PDE3B: variants seen among roughly 807,000 people sequenced by gnomAD.
PDE3B encodes phosphodiesterase 3B.
A neutral mutation model predicts 116.8 loss-of-function variants in PDE3B; 66 were observed. The ratio of observed to expected loss-of-function variants is 0.56; its 90% confidence interval spans 0.46 to 0.69. The LOEUF (loss-of-function observed/expected upper bound fraction) is 0.69. PDE3B is among the 30% of genes least tolerant of loss of function. The probability of loss-of-function intolerance (pLI) is 0.00; values close to 1 mark genes in which losing one functional copy is unlikely to be tolerated. For missense variants in PDE3B, 1,384 were observed against 1,368.1 expected (o/e 1.01, Z -0.18); for synonymous variants, 595 against 533.6 (o/e 1.12, Z -1.59).
intron 4 of PDE3B, among the ~76,000 whole-genome samples, chr11:14,797,885 A>G (rs372066864): frequency 4.6e-5 from 7 of 152,296 alleles, no homozygotes; most frequent in African/African-American, 1.7e-4. Flanking sequence ...AACAGAGACA[A>G]TTTGACTTCC....
intron 11 of PDE3B, among the ~76,000 whole-genome samples, chr11:14,838,218 A>G (rs1466104135): frequency 6.6e-6 from 1 of 151,860 alleles, no homozygotes; most frequent in Non-Finnish European, 1.5e-5. Flanking sequence ...CGACCTCGTG[A>G]TTTGCCCGCC....
the PDE3B span, among the ~76,000 whole-genome samples, chr11:14,889,903 C>T: frequency 6.6e-6 from 1 of 152,182 alleles, no homozygotes; most frequent in East Asian, 1.9e-4. Context: ...CCGAGGCGGG[C>T]AGATCACGAG....
At chr11:14,885,829 A>G in the PDE3B span, 2 of 1,613,478 alleles carry the variant, frequency 1.2e-6, no homozygotes, top group Non-Finnish European at 1.7e-6. Context: ...GTCTGCAAAA[A>G]TTTCGCTTTG....
At chr11:14,777,723 A>C (rs1438353335) in intron 2 of PDE3B, among the ~76,000 whole-genome samples, 1 of 152,174 alleles carries the variant, frequency 6.6e-6, no homozygotes, top group Non-Finnish European at 1.5e-5. Flanking sequence ...AGCTCCCAGC[A>C]TGAGTGATGC....
chr11:14,858,151 A>G (rs1555006472), intron 12 of PDE3B, among the ~76,000 whole-genome samples: 1 of 152,228 alleles, frequency 6.6e-6, no homozygotes, highest in Non-Finnish European at 1.5e-5. Context: ...AGCTCTCAGA[A>G]TATGTATCCT....
intron 7 of PDE3B, among the ~76,000 whole-genome samples, chr11:14,825,111 G>A (rs572023161): frequency 5.6e-4 from 85 of 152,066 alleles, no homozygotes; most frequent in South Asian, 6.2e-4. Flanking sequence ...TTGTTACTAC[G>A]AGACCCACTT....
In PDE3B at chr11:14,771,943, C is replaced by A; in HGVS notation, c.985C>A (p.Leu329Ile). 2.3e-6 allele frequency: 3 copies of A among 1,322,430 alleles called. No individual in the cohort carries two copies. Among genetic ancestry groups the A allele is most frequent in the Non-Finnish European group, 3.0e-6 (3 of 988,962 alleles). 81.9% of individuals were successfully genotyped at this position (1,322,430 alleles called of 1,614,324 possible). ...AGTGAATTTTTTTTTCTAGATGATT[C>A]TTTGGGATTGGGACTTAAAACAATG... ...LPCISREQMI[L>I]WDWDLKQWYK... The change falls in exon 2 of 16, where the codon CTT (leucine) becomes ATT (isoleucine). Residue 329 changes from leucine to isoleucine, a missense_variant. Coordinates refer to ENST00000282096, the MANE Select transcript of PDE3B (RefSeq NM_000922.4).
intron 1 of PDE3B, among the ~76,000 whole-genome samples, chr11:14,724,556 G>A (rs149170979): frequency 8.5e-4 from 129 of 152,244 alleles, no homozygotes; most frequent in African/African-American, 2.8e-3. Flanking sequence ...TTGGATTAGC[G>A]TTGCTCAGCC....
At chr11:14,672,272 T>A (rs1208380809) in intron 1 of PDE3B, among the ~76,000 whole-genome samples, 1 of 151,918 alleles carries the variant, frequency 6.6e-6, no homozygotes, top group Non-Finnish European at 1.5e-5. Context: ...TCATGAAACT[T>A]CTATCTGAAC....
chr11:14,745,782 C>G (rs1856895215), intron 1 of PDE3B, among the ~76,000 whole-genome samples: 2 of 152,026 alleles, frequency 1.3e-5, no homozygotes, highest in Non-Finnish European at 2.9e-5. Context: ...ATTGTTTAGC[C>G]TGTTTGACAG....
intron 1 of PDE3B, among the ~76,000 whole-genome samples, chr11:14,706,939 T>C (rs1245063307): frequency 6.6e-6 from 1 of 151,918 alleles, no homozygotes. Context: ...TACTCTGTTA[T>C]CTAGCAAATA....
chr11:14,741,754 T>A (rs548561584), intron 1 of PDE3B, among the ~76,000 whole-genome samples: 1 of 152,296 alleles, frequency 6.6e-6, no homozygotes, highest in Non-Finnish European at 1.5e-5. Flanking sequence ...GTTTAGTGCT[T>A]CCTTTAGGAG....
At chr11:14,729,548 A>C (rs1856400340) in intron 1 of PDE3B, among the ~76,000 whole-genome samples, 1 of 152,236 alleles carries the variant, frequency 6.6e-6, no homozygotes, top group Non-Finnish European at 1.5e-5. Context: ...TAGCTACTAC[A>C]AATAAAATGC....
intron 1 of PDE3B, among the ~76,000 whole-genome samples, chr11:14,760,496 C>G (rs1857329860): frequency 6.6e-6 from 1 of 152,116 alleles, no homozygotes; most frequent in South Asian, 2.1e-4. Context: ...GTAAACAGTT[C>G]CTGTACTGAC....
rs770500158 is a variant in PDE3B, at chr11:14,818,349, T to C, written c.1689T>C (p.Asp563=). Residue 563 remains aspartate, a synonymous_variant, in exon 6 of 16, where the codon GAT becomes GAC. Coordinates refer to ENST00000282096, the MANE Select transcript of PDE3B (RefSeq NM_000922.4). ...RSLGNAPNTP[D]FYQQLRNSDS... is the part of the protein sequence containing the mutation. ...TGGGCAATGCACCTAATACTCCAGATTTTTATCAGCAACTTAGAAATTCTG... is the reference window on the plus strand; with the variant it reads ...TGGGCAATGCACCTAATACTCCAGACTTTTATCAGCAACTTAGAAATTCTG... The C allele has an allele frequency of 2.2e-5, 35 of 1,613,204 alleles. No homozygotes were observed. The highest frequency in any genetic ancestry group is 2.6e-5 in the Non-Finnish European group (31 of 1,179,364).
intron 1 of PDE3B, chr11:14,674,670 G>A: frequency 4.1e-6 from 1 of 245,560 alleles, no homozygotes; most frequent in Non-Finnish European, 8.1e-6. Flanking sequence ...TACTTAAAGT[G>A]AATATGAGGG....
In PDE3B at chr11:14,861,253, C is replaced by T. The variant is rs1565169364; in HGVS notation, c.2773C>T (p.Arg925Cys). Residue 925 changes from arginine (R) to cysteine (C), a missense_variant, in exon 14 of 16, where the codon CGC becomes TGC. Arg to Cys is a radical substitution (Grantham distance 180). Transcript: ENST00000282096. The part of the protein sequence containing the change: ...NGIEWSNEND[R>C]LLVCQVCIKL... ...CATAGAATGGAGTAATGAAAATGAT[C>T]GCCTCTTGGTATGCCAGGTGTGCAT... The T allele has an allele frequency of 6.2e-7, 1 of 1,613,050 alleles. No homozygotes were observed. The highest frequency in any genetic ancestry group is 8.5e-7 in the Non-Finnish European group (1 of 1,179,170).
intron 1 of PDE3B, among the ~76,000 whole-genome samples, chr11:14,712,561 G>A (rs956430281): frequency 1.1e-4 from 14 of 127,442 alleles, no homozygotes; most frequent in Admixed American, 1.9e-4. Context: ...TACAGTCTCC[G>A]CCTCGCAGGT....
At chr11:14,768,942 T>C (rs1857565173) in intron 1 of PDE3B, among the ~76,000 whole-genome samples, 1 of 151,600 alleles carries the variant, frequency 6.6e-6, no homozygotes, top group Admixed American at 6.6e-5. Context: ...TTTCTCAAAA[T>C]CACTAATGTG....
Sources: allele counts gnomAD v4.1 joint callset (sites outside exome capture counted in the v4.1 genomes callset), GRCh38; gene constraint gnomAD v4.1.1; transcripts MANE v1.5; gene names NCBI Gene and HGNC (gene_info 2026-07-23, HGNC 2026-07-21).